Variants in INPP4B observed in about 807,000 individuals in gnomAD.
INPP4B encodes the protein inositol polyphosphate-4-phosphatase type II B, also known as inositol polyphosphate 4-phosphatase type II.
Under a neutral mutation model 122.5 loss-of-function variants are expected in INPP4B, and 55 were observed. That is an observed-to-expected ratio of 0.45 (90% CI 0.36 to 0.56). The LOEUF is 0.56. Ranked by LOEUF, INPP4B falls within the 20% of genes least tolerant of loss-of-function variation. The pLI, the probability that INPP4B is intolerant of heterozygous loss-of-function variation, is 0.00. For synonymous variants in INPP4B, 403 were observed against 388.7 expected, an observed-to-expected ratio of 1.04 and a Z score of -0.43; for missense variants, 1,000 against 1,097.7, an observed-to-expected ratio of 0.91 and a Z score of 1.26.
intron 9 of INPP4B, among the ~76,000 whole-genome samples, chr4:142,291,321 C>G (rs2627812): frequency 0.77 from 116,723 of 152,100 alleles, 45,897 homozygotes; most frequent in East Asian, 0.93. Flanking sequence ...ACATAATTGA[C>G]GTACAAAGAA....
At chr4:142,043,208 C>A (rs1010484349) in intron 25 of INPP4B, among the ~76,000 whole-genome samples, 6 of 152,074 alleles carry the variant, frequency 3.9e-5, no homozygotes, top group Non-Finnish European at 7.3e-5. Context: ...CATCATGATG[C>A]TACAATTTAT....
chr4:142,813,060 C>T (rs550439711), intron 1 of INPP4B, among the ~76,000 whole-genome samples: 17 of 152,218 alleles, frequency 1.1e-4, no homozygotes, highest in South Asian at 6.2e-4. Flanking sequence ...ATGTTGAACA[C>T]GAAATTTAAA....
chr4:142,043,960 G>C (rs1004623073), intron 25 of INPP4B, among the ~76,000 whole-genome samples: 3 of 152,148 alleles, frequency 2.0e-5, no homozygotes, highest in African/African-American at 7.2e-5. Flanking sequence ...TACTACAATA[G>C]TAAAGGCAAG....
At position 142,541,000 on chromosome 4, in the gene INPP4B, G is replaced by A. The variant is rs976356008; in HGVS notation, c.-190-78274C>T. ...CTATGTTAGACAGAAAGACATGGTC[G>A]TCACATTGTTTGGGATGCTAGCAGT... is the stretch of plus-strand genomic sequence containing the variant. On this transcript the variant is annotated intron_variant, in intron 2 of 25. Coordinates refer to ENST00000262992, the MANE Select transcript of INPP4B (RefSeq NM_001101669.3). 3.3e-5 allele frequency among the ~76,000 whole-genome samples: 5 copies of A among 152,088 alleles called. No homozygotes were observed. The South Asian group carries it at 6.2e-4, about 19-fold the overall frequency.
intron 21 of INPP4B, among the ~76,000 whole-genome samples, chr4:142,115,862 C>T (rs1281373434): frequency 6.6e-6 from 1 of 152,118 alleles, no homozygotes; most frequent in Non-Finnish European, 1.5e-5. Context: ...AAGACACAGA[C>T]TGGCAAATTG....
intron 2 of INPP4B, among the ~76,000 whole-genome samples, chr4:142,485,139 A>C (rs931730983): frequency 6.6e-6 from 1 of 152,158 alleles, no homozygotes; most frequent in African/African-American, 2.4e-5. Context: ...ACCTGACATT[A>C]AGGGAGATAC....
At chr4:142,657,829 G>T (rs556868745) in intron 2 of INPP4B, among the ~76,000 whole-genome samples, 1 of 152,156 alleles carries the variant, frequency 6.6e-6, no homozygotes, top group Non-Finnish European at 1.5e-5. Context: ...AATATCAAGT[G>T]TTTTAAACCT....
At chr4:142,252,066 G>A (rs895344945) in intron 11 of INPP4B, among the ~76,000 whole-genome samples, 5 of 152,236 alleles carry the variant, frequency 3.3e-5, no homozygotes, top group African/African-American at 1.2e-4. Flanking sequence ...AGGTGATCTT[G>A]AAGACTTCCT....
At chr4:142,765,252 T>C (rs1436455572) in intron 1 of INPP4B, among the ~76,000 whole-genome samples, 1 of 152,116 alleles carries the variant, frequency 6.6e-6, no homozygotes, top group Admixed American at 6.6e-5. Flanking sequence ...TAAGCATGGA[T>C]CCAGAAGCAC....
chr4:142,151,674 G>C (rs931493369), intron 17 of INPP4B, among the ~76,000 whole-genome samples: 11 of 152,096 alleles, frequency 7.2e-5, no homozygotes, highest in Non-Finnish European at 1.2e-4. Flanking sequence ...CTAATCAAAA[G>C]CAGGCTCAGT....
chr4:142,594,938 G>A (rs1331636324), intron 2 of INPP4B, among the ~76,000 whole-genome samples: 1 of 141,890 alleles, frequency 7.0e-6, no homozygotes, highest in African/African-American at 2.6e-5. Context: ...CTGGGCGACA[G>A]GGTGAGACTC....
intron 5 of INPP4B, among the ~76,000 whole-genome samples, chr4:142,423,089 A>G (rs1323235908): frequency 6.6e-6 from 1 of 152,086 alleles, no homozygotes; most frequent in Non-Finnish European, 1.5e-5. Context: ...CCATTCTCCC[A>G]CTGGAGTTTT....
intron 2 of INPP4B, among the ~76,000 whole-genome samples, chr4:142,470,818 T>A (rs565406192): frequency 3.9e-5 from 6 of 152,260 alleles, no homozygotes; most frequent in South Asian, 4.1e-4. Context: ...AGAGAAATAA[T>A]CCTAAATGTA....
At chr4:142,040,369 C>T (rs1367879477) in intron 25 of INPP4B, among the ~76,000 whole-genome samples, 3 of 152,080 alleles carry the variant, frequency 2.0e-5, no homozygotes, top group African/African-American at 4.8e-5. Flanking sequence ...GTGATAGTAC[C>T]GTAATGTATA....
intron 25 of INPP4B, among the ~76,000 whole-genome samples, chr4:142,043,335 G>A (rs966396535): frequency 6.6e-6 from 1 of 152,124 alleles, no homozygotes; most frequent in East Asian, 1.9e-4. Flanking sequence ...GCAGTTACCT[G>A]ACTATGAAAA....
Position 142,491,297 on chromosome 4 carries a change from T to C in INPP4B, c.-190-28571A>G, listed in dbSNP as rs191473069. On this transcript the variant is annotated intron_variant, in intron 2 of 25. Transcript: ENST00000262992. ...ATAAGATCTGAAACTATAAAACTACTAGAAGAAAACATAGGGAAAATGCTT... is the reference window on the plus strand; with the variant it reads ...ATAAGATCTGAAACTATAAAACTACCAGAAGAAAACATAGGGAAAATGCTT... 3.3e-5 allele frequency among the ~76,000 whole-genome samples: 5 copies of C among 152,232 alleles called. No homozygotes were observed. The East Asian group carries it at 9.6e-4, about 29-fold the overall frequency.
In INPP4B at chr4:142,548,749, CTGTGTGTG is replaced by C. The variant is rs35765248; in HGVS notation, c.-190-86031_-190-86024del. ...CCAAATATAGTGCATACAGATGTGT[CTGTGTGTG>C]TGTGTGTGTGTGTGTGTGTATACAT... is the stretch of plus-strand genomic sequence containing the variant. On this transcript the variant is annotated intron_variant, in intron 2 of 25. Transcript: ENST00000262992. 5.5e-5 allele frequency among the ~76,000 whole-genome samples: 8 copies of C among 145,024 alleles called. No homozygotes were observed. In the East Asian group the frequency reaches 8.0e-4, roughly 14 times the overall value.
intron 1 of INPP4B, among the ~76,000 whole-genome samples, chr4:142,782,293 C>A (rs1180601314): frequency 1.7e-4 from 25 of 150,878 alleles, no homozygotes; most frequent in Non-Finnish European, 2.8e-4. Context: ...TCATCCATGT[C>A]CCTACAAAGG....
At chr4:142,766,428 C>T (rs1257277239) in intron 1 of INPP4B, among the ~76,000 whole-genome samples, 1 of 151,672 alleles carries the variant, frequency 6.6e-6, no homozygotes, top group African/African-American at 2.4e-5. Flanking sequence ...GTCACCCAGG[C>T]TGAAGTGCAA....
Sources: gnomAD v4.1 joint callset for allele counts (sites outside exome capture counted in the v4.1 genomes callset) on GRCh38, gnomAD v4.1.1 for gene constraint, MANE v1.5 for transcripts, NCBI Gene and HGNC (gene_info 2026-07-23, HGNC 2026-07-21) for gene names.